The following DAD1 variants were observed in gnomAD, a reference collection of about 807,000 sequenced individuals.
The protein encoded by DAD1 is defender against cell death 1, also known as dolichyl-diphosphooligosaccharide--protein glycosyltransferase subunit DAD1.
In DAD1, 4 loss-of-function variants were observed where a neutral mutation model predicts 9.0. The observed-to-expected ratio is 0.44, with a 90% confidence interval of 0.22 to 1.01. The LOEUF (loss-of-function observed/expected upper bound fraction) is 1.01, where lower values mean the gene tolerates loss of function less well. DAD1 is among the 50% of genes least tolerant of loss of function. The probability of loss-of-function intolerance (pLI) is 0.24; values close to 1 mark genes in which losing one functional copy is unlikely to be tolerated. For missense variants in DAD1, 119 were observed against 137.3 expected, an observed-to-expected ratio of 0.87 and a Z score of 0.67; for synonymous variants, 60 against 62.5, an observed-to-expected ratio of 0.96 and a Z score of 0.19.
intron 2 of DAD1, among the ~76,000 whole-genome samples, chr14:22,570,494 T>C (rs1373342262): frequency 1.3e-5 from 2 of 152,178 alleles, no homozygotes; most frequent in Non-Finnish European, 2.9e-5. Context: ...CAGGTATCAG[T>C]AGCTTCTTCC....
chr14:22,571,858 G>A (rs2037043522), intron 2 of DAD1, among the ~76,000 whole-genome samples: 1 of 152,026 alleles, frequency 6.6e-6, no homozygotes, highest in South Asian at 2.1e-4. Context: ...TCAAACTCCT[G>A]ACCTCAGGTG....
At chr14:22,583,469 T>C (rs529904276) in intron 1 of DAD1, among the ~76,000 whole-genome samples, 1 of 152,140 alleles carries the variant, frequency 6.6e-6, no homozygotes, top group South Asian at 2.1e-4. Flanking sequence ...TTCAGTGAAG[T>C]AGTGAGGACA....
intron 2 of DAD1, among the ~76,000 whole-genome samples, chr14:22,569,842 AAG>A (rs1239969212): frequency 6.6e-6 from 1 of 152,218 alleles, no homozygotes; most frequent in East Asian, 1.9e-4. Flanking sequence ...ATGAAAGGTA[AAG>A]AACTAATCTC....
At chr14:22,575,291 T>C (rs1490267711) in intron 1 of DAD1, 58 bp from the exon 2 acceptor site, 2 of 1,579,426 alleles carry the variant, frequency 1.3e-6, no homozygotes, top group Non-Finnish European at 1.7e-6. Flanking sequence ...ATAAATATGC[T>C]AATGAACACA....
chr14:22,577,963 C>CA (rs1283842845), intron 1 of DAD1, among the ~76,000 whole-genome samples: 5 of 151,792 alleles, frequency 3.3e-5, no homozygotes, highest in African/African-American at 7.3e-5. Flanking sequence ...CAAAAACAAA[C>CA]AAAAAAAAGG....
intron 1 of DAD1, among the ~76,000 whole-genome samples, chr14:22,577,821 T>C (rs964648470): frequency 2.6e-5 from 4 of 151,960 alleles, no homozygotes. Flanking sequence ...TGAATTTCAG[T>C]TGCGGAAGAC....
chr14:22,582,651 T>G (rs1594884233), intron 1 of DAD1, among the ~76,000 whole-genome samples: 2 of 152,288 alleles, frequency 1.3e-5, no homozygotes, highest in South Asian at 4.1e-4. Context: ...AGCTTGCTGA[T>G]GAAACAGATG....
intron 1 of DAD1, among the ~76,000 whole-genome samples, chr14:22,578,445 A>T (rs576705599): frequency 1.1e-4 from 17 of 152,226 alleles, no homozygotes; most frequent in African/African-American, 4.1e-4. Context: ...ACGCACCTGT[A>T]ATCCCAGCTA....
At chr14:22,588,876 G>C (rs1390298519) in intron 1 of DAD1, 71 bp downstream of exon 1, 3 of 1,483,018 alleles carry the variant, frequency 2.0e-6, no homozygotes, top group Admixed American at 1.9e-5. Flanking sequence ...GTCTGATATA[G>C]AGTACTATGA....
intron 1 of DAD1, among the ~76,000 whole-genome samples, chr14:22,582,531 T>C (rs939243715): frequency 6.6e-6 from 1 of 150,790 alleles, no homozygotes; most frequent in Non-Finnish European, 1.5e-5. Flanking sequence ...CTCAAAAATA[T>C]AAAAAATAAA....
At chr14:22,585,029 A>G (rs1271572346) in intron 1 of DAD1, among the ~76,000 whole-genome samples, 2 of 152,242 alleles carry the variant, frequency 1.3e-5, no homozygotes, top group Non-Finnish European at 2.9e-5. Flanking sequence ...CAAACTTCTA[A>G]TCTCTCGGAT....
chr14:22,573,018 G>A (rs1423375684), intron 2 of DAD1, among the ~76,000 whole-genome samples: 1 of 152,178 alleles, frequency 6.6e-6, no homozygotes, highest in African/African-American at 2.4e-5. Context: ...CTCATCTGCT[G>A]TCCCTGCTCC....
At chr14:22,585,738 T>C (rs188626956) in intron 1 of DAD1, among the ~76,000 whole-genome samples, 112 of 152,340 alleles carry the variant, frequency 7.4e-4, no homozygotes, top group African/African-American at 2.6e-3. Flanking sequence ...GGTAGCGTTC[T>C]GAATTGGTTT....
chr14:22,567,546 C>A (rs931717058), intron 2 of DAD1, among the ~76,000 whole-genome samples: 1 of 152,178 alleles, frequency 6.6e-6, no homozygotes, highest in African/African-American at 2.4e-5. Flanking sequence ...AAAACTGTAA[C>A]CTGATAGTGT....
Position 22,565,035 on chromosome 14 carries a change from C to A in DAD1, c.*147G>T, listed in dbSNP as rs1218791406. 1.3e-5 allele frequency: 9 copies of A among 689,946 alleles called. No individual in the cohort carries two copies. The highest frequency in any genetic ancestry group is 2.4e-5 in the Non-Finnish European group (9 of 379,716). 42.7% of individuals were successfully genotyped at this position (689,946 alleles called of 1,614,324 possible). ...CAGTGAACTCTGGGCTTTTCTCCTG[C>A]ATAAAAAGCAGAGCTAGCAGTAAGT... On this transcript the variant is annotated 3_prime_UTR_variant, in exon 3 of 3. Transcript: ENST00000250498.
At chr14:22,577,593 C>G (rs906826500) in intron 1 of DAD1, among the ~76,000 whole-genome samples, 20 of 152,224 alleles carry the variant, frequency 1.3e-4, no homozygotes, top group Non-Finnish European at 2.8e-4. Flanking sequence ...CAATGGAATA[C>G]TCAGCCTTAA....
chr14:22,579,261 G>A (rs779064264), intron 1 of DAD1, among the ~76,000 whole-genome samples: 10 of 150,008 alleles, frequency 6.7e-5, no homozygotes, highest in East Asian at 3.9e-4. Flanking sequence ...ACACTCTTCC[G>A]AAGTATCTTT....
At chr14:22,568,348 CT>C (rs2037014983) in intron 2 of DAD1, among the ~76,000 whole-genome samples, 1 of 152,214 alleles carries the variant, frequency 6.6e-6, no homozygotes, top group African/African-American at 2.4e-5. Context: ...CAAATGTTTA[CT>C]TTTTGTAAAA....
At chr14:22,582,184 C>T (rs1158307268) in intron 1 of DAD1, among the ~76,000 whole-genome samples, 1 of 131,658 alleles carries the variant, frequency 7.6e-6, no homozygotes, top group African/African-American at 2.9e-5. Context: ...TCCAGCCTGG[C>T]GACACAGTGA....
Sources: gnomAD v4.1 joint callset for allele counts (sites outside exome capture counted in the v4.1 genomes callset) on GRCh38, gnomAD v4.1.1 for gene constraint, MANE v1.5 for transcripts, NCBI Gene and HGNC (gene_info 2026-07-23, HGNC 2026-07-21) for gene names.